FTCDNL1: variants seen among roughly 807,000 people sequenced by gnomAD.
The protein encoded by FTCDNL1 is formiminotransferase cyclodeaminase N-terminal like, also known as formiminotransferase N-terminal subdomain-containing protein.
Under a neutral mutation model 5.9 loss-of-function variants are expected in FTCDNL1, and 11 were observed. The observed-to-expected ratio is 1.87, with a 90% CI of 1.18 to 3.10. The LOEUF is 3.10. Among genes scored for constraint, FTCDNL1 ranks in the 30% most tolerant of loss-of-function variants. The probability of loss-of-function intolerance (pLI) is 0.00; values close to 1 mark genes in which losing one functional copy is unlikely to be tolerated. For synonymous variants in FTCDNL1, 58 were observed against 24.8 expected, an observed-to-expected ratio of 2.34 and a Z score of -3.99; for missense variants, 115 against 65.5, an observed-to-expected ratio of 1.76 and a Z score of -2.61.
chr2:199,787,044 C>T (rs1396345571), intron 3 of FTCDNL1, among the ~76,000 whole-genome samples: 2 of 152,186 alleles, frequency 1.3e-5, no homozygotes, highest in Admixed American at 6.5e-5. Flanking sequence ...GGATTCTTCT[C>T]ACATTGCATC....
chr2:199,814,425 A>G (rs554987384), intron 4 of FTCDNL1, among the ~76,000 whole-genome samples: 1 of 152,320 alleles, frequency 6.6e-6, no homozygotes, highest in Non-Finnish European at 1.5e-5. Context: ...TTTCTGTAAA[A>G]TGGTTATGAC....
At chr2:199,694,546 C>G in the FTCDNL1 span, among the ~76,000 whole-genome samples, 1 of 152,154 alleles carries the variant, frequency 6.6e-6, no homozygotes, top group Non-Finnish European at 1.5e-5. Context: ...CATTGACTAG[C>G]CATGCACAGA....
the FTCDNL1 span, among the ~76,000 whole-genome samples, chr2:199,694,379 A>G: frequency 2.0e-5 from 3 of 152,202 alleles, no homozygotes; most frequent in Non-Finnish European, 4.4e-5. Flanking sequence ...TTTTTGAGGT[A>G]CCCAATCTGA....
At chr2:199,837,214 GT>G (rs1421003318) in intron 3 of FTCDNL1, among the ~76,000 whole-genome samples, 6 of 152,140 alleles carry the variant, frequency 3.9e-5, no homozygotes, top group Admixed American at 6.5e-5. Context: ...TAGTTAAAAT[GT>G]ACTAAAGTCA....
At chr2:199,776,070 C>T (rs1238947740) in intron 3 of FTCDNL1, among the ~76,000 whole-genome samples, 2 of 152,062 alleles carry the variant, frequency 1.3e-5, no homozygotes, top group African/African-American at 2.4e-5. Context: ...CCCGCCACCA[C>T]GCCTGGCTAA....
At chr2:199,842,878 A>C (rs1411737488) in intron 3 of FTCDNL1, among the ~76,000 whole-genome samples, 2 of 151,932 alleles carry the variant, frequency 1.3e-5, no homozygotes, top group Non-Finnish European at 2.9e-5. Flanking sequence ...TGTTCTAAGA[A>C]CAGCGGGATC....
Position 199,846,097 on chromosome 2 carries a change from T to C in FTCDNL1, c.189A>G (p.Ile63Met), listed in dbSNP as rs2076725442. 1.4e-6 allele frequency: 1 copy of C among 697,928 alleles called. No individual in the cohort carries two copies. Among genetic ancestry groups the C allele is most frequent in the East Asian group, 2.7e-5 (1 of 37,168 alleles). 43.2% of individuals were successfully genotyped at this position (697,928 alleles called of 1,614,324 possible). The stretch of plus-strand genomic sequence containing the variant: ...TACCCAACTTATCAACAGAAGTTGC[T>C]ATTGTAATGACTGATCTCTTGTAGT... ...DQDYKRSVIT[I>M]ATSVDKLGLA... The change falls in exon 3 of 5, where the codon ATA (isoleucine) becomes ATG (methionine). Residue 63 changes from isoleucine to methionine, a missense_variant. Transcript: ENST00000420128.
downstream of FTCDNL1, among the ~76,000 whole-genome samples, chr2:199,808,615 C>G (rs1054267530): frequency 5.9e-5 from 9 of 152,250 alleles, no homozygotes; most frequent in African/African-American, 2.2e-4. Context: ...GTGACAGGAA[C>G]CTGGAGAGGT....
chr2:199,849,563 C>A (rs560234445), intron 1 of FTCDNL1, among the ~76,000 whole-genome samples: 1 of 152,190 alleles, frequency 6.6e-6, no homozygotes, highest in South Asian at 2.1e-4. Flanking sequence ...AGTTTAAAGT[C>A]TTTTTACAAA....
At chr2:199,752,039 CACAG>C in the FTCDNL1 span, among the ~76,000 whole-genome samples, 2 of 152,078 alleles carry the variant, frequency 1.3e-5, no homozygotes, top group Non-Finnish European at 1.5e-5. Flanking sequence ...ACTGACTGTC[CACAG>C]ACAGTCAGAG....
the FTCDNL1 span, among the ~76,000 whole-genome samples, chr2:199,728,915 G>A: frequency 2.0e-5 from 3 of 152,168 alleles, no homozygotes; most frequent in Non-Finnish European, 4.4e-5. Flanking sequence ...TAGGCTAACG[G>A]CTAAAAGTGC....
chr2:199,817,078 G>A (rs1701393821), intron 4 of FTCDNL1, among the ~76,000 whole-genome samples: 1 of 152,116 alleles, frequency 6.6e-6, no homozygotes, highest in South Asian at 2.1e-4. Context: ...AAAACATCAT[G>A]CTTGAGTATG....
chr2:199,666,428 C>A, the FTCDNL1 span, among the ~76,000 whole-genome samples: 1 of 152,174 alleles, frequency 6.6e-6, no homozygotes, highest in Non-Finnish European at 1.5e-5. Flanking sequence ...GGTACTATAG[C>A]ACATGCCCAT....
chr2:199,753,010 T>C, the FTCDNL1 span, among the ~76,000 whole-genome samples: 1 of 152,016 alleles, frequency 6.6e-6, no homozygotes, highest in Non-Finnish European at 1.5e-5. Flanking sequence ...ATAAGAAGCT[T>C]ATAGGGAGAC....
chr2:199,748,024 C>G, the FTCDNL1 span, among the ~76,000 whole-genome samples: 47 of 152,170 alleles, frequency 3.1e-4, no homozygotes, highest in Non-Finnish European at 5.3e-4. Flanking sequence ...CCCCAGTCCT[C>G]TTTATCCCTC....
At chr2:199,746,097 AT>A in the FTCDNL1 span, among the ~76,000 whole-genome samples, 1 of 140,828 alleles carries the variant, frequency 7.1e-6, no homozygotes, top group Non-Finnish European at 1.6e-5. Flanking sequence ...TTTGAAGATA[AT>A]TTATTTTTTT....
the FTCDNL1 span, among the ~76,000 whole-genome samples, chr2:199,741,497 T>A: frequency 6.6e-6 from 1 of 152,184 alleles, no homozygotes; most frequent in Non-Finnish European, 1.5e-5. Flanking sequence ...TCCCTTTCGA[T>A]TAGGTGACAT....
the FTCDNL1 span, among the ~76,000 whole-genome samples, chr2:199,716,937 G>A: frequency 1.3e-5 from 2 of 152,116 alleles, no homozygotes; most frequent in Non-Finnish European, 2.9e-5. Flanking sequence ...GCTTGGCAAA[G>A]TTCTGACTCC....
chr2:199,807,477 GA>G (rs35687967), downstream of FTCDNL1, among the ~76,000 whole-genome samples: 68,555 of 149,138 alleles, frequency 0.46, 17,838 homozygotes, highest in East Asian at 0.58. Flanking sequence ...GTTTCTACTG[GA>G]AAAAAAAAAA....
Sources: gnomAD v4.1 joint callset for allele counts (sites outside exome capture counted in the v4.1 genomes callset) on GRCh38, gnomAD v4.1.1 for gene constraint, MANE v1.5 for transcripts, NCBI Gene and HGNC (gene_info 2026-07-23, HGNC 2026-07-21) for gene names.